The following TMEM132B variants were observed in gnomAD, a reference collection of about 807,000 sequenced individuals.
The protein encoded by TMEM132B is transmembrane protein 132B.
TMEM132B carries 18 observed loss-of-function variants against 90.8 expected under a neutral mutation model. The observed-to-expected ratio is 0.20, with a 90% CI of 0.14 to 0.29. The LOEUF is 0.29. Ranked by LOEUF, TMEM132B falls within the 10% of genes least tolerant of loss-of-function variation. The probability of loss-of-function intolerance (pLI) is 1.00; values close to 1 mark genes in which losing one functional copy is unlikely to be tolerated. For synonymous variants in TMEM132B, 504 were observed against 523.3 expected (o/e 0.96, Z 0.50); for missense variants, 1,096 against 1,326.8 (o/e 0.83, Z 2.70).
chr12:125,426,518 T>TA (rs980640586), intron 3 of TMEM132B, among the ~76,000 whole-genome samples: 48 of 152,134 alleles, frequency 3.2e-4, no homozygotes, highest in Admixed American at 5.2e-4. Context: ...GTGTGTTTGT[T>TA]AAAAAAAAGT....
intron 2 of TMEM132B, among the ~76,000 whole-genome samples, chr12:125,368,038 A>G (rs927566153): frequency 1.3e-5 from 2 of 152,108 alleles, no homozygotes; most frequent in Non-Finnish European, 2.9e-5. Context: ...GGATCATAGT[A>G]TATATCTTTA....
intron 3 of TMEM132B, among the ~76,000 whole-genome samples, chr12:125,491,390 T>C (rs2136558629): frequency 6.6e-6 from 1 of 152,302 alleles, no homozygotes; most frequent in South Asian, 2.1e-4. Context: ...CAAAGCTTTT[T>C]CAAGGTAAAG....
intron 1 of TMEM132B, among the ~76,000 whole-genome samples, chr12:125,279,507 G>C (rs1875099364): frequency 6.6e-6 from 1 of 152,196 alleles, no homozygotes; most frequent in African/African-American, 2.4e-5. Flanking sequence ...CAAACCCTGG[G>C]CACTGAGTCT....
chr12:125,427,974 C>T (rs1880370151), intron 3 of TMEM132B, among the ~76,000 whole-genome samples: 1 of 147,816 alleles, frequency 6.8e-6, no homozygotes, highest in Admixed American at 6.9e-5. Context: ...GGTAACTTGC[C>T]AAGTACATGC....
Position 125,408,187 on chromosome 12 carries a change from T to C in TMEM132B, c.960-7344T>C, listed in dbSNP as rs139877099. On this transcript the variant is annotated intron_variant, in intron 2 of 8. Transcript: ENST00000682704. The surrounding 1 kb of genome is among the most constrained non-coding windows in gnomAD (Gnocchi z 5.9). ...GTGTATTTGGAGGGTCGCTGTGTTG[T>C]TGTGTGGTGATAGGCTGCTTCCTCG... Among the ~76,000 whole-genome samples the C allele has an allele frequency of 1.3e-5, 2 of 152,310 alleles. No individual in the cohort carries two copies. The highest frequency in any genetic ancestry group is 1.9e-4 in the East Asian group (1 of 5,182).
At chr12:125,243,110 CAT>C (rs199761706) in intron 1 of TMEM132B, among the ~76,000 whole-genome samples, 87,389 of 138,510 alleles carry the variant, frequency 0.63, 27,966 homozygotes, top group Non-Finnish European at 0.68. Flanking sequence ...TATATATACA[CAT>C]ATATATATAT....
chr12:125,492,463 T>A lies in TMEM132B; in HGVS notation c.1107-26976T>A, dbSNP rs1882380555. Among the ~76,000 whole-genome samples the A allele has an allele frequency of 6.6e-6, 1 of 152,198 alleles. No individual in the cohort carries two copies. The highest frequency in any genetic ancestry group is 1.5e-5 in the Non-Finnish European group (1 of 68,026). On this transcript the variant is annotated intron_variant, in intron 3 of 8. Transcript: ENST00000682704. This position sits in a 1 kb window ranked among gnomAD's most constrained non-coding sequence, Gnocchi z 5.8. ...ACGGCTGCTTTGCAGGGGCCCCGAC[T>A]GCTCCTTCCTGGGATGTGCCGCCAC... is the stretch of plus-strand genomic sequence containing the variant.
At chr12:125,381,777 TG>T (rs533724122) in intron 2 of TMEM132B, among the ~76,000 whole-genome samples, 36 of 152,302 alleles carry the variant, frequency 2.4e-4, no homozygotes, top group African/African-American at 8.2e-4. Context: ...AGGGACTGAA[TG>T]GGGGCAGAGA....
intron 1 of TMEM132B, among the ~76,000 whole-genome samples, chr12:125,292,048 C>T (rs1477075094): frequency 6.6e-6 from 1 of 152,194 alleles, no homozygotes; most frequent in Non-Finnish European, 1.5e-5. Context: ...ACTCATTTGC[C>T]TATGGTATCA....
chr12:125,277,040 T>C lies in TMEM132B; in HGVS notation c.68-72412T>C, dbSNP rs2136125850. ...TTTGTGGGTACCGTGGGTTGAATTA[T>C]GTCCACCAAAACATATGTCCAAGTC... On this transcript the variant is annotated intron_variant, in intron 1 of 8. Transcript: ENST00000682704. This position sits in a 1 kb window ranked among gnomAD's most constrained non-coding sequence, Gnocchi z 4.3. 6.6e-6 allele frequency among the ~76,000 whole-genome samples: 1 copy of C among 152,358 alleles called. No homozygotes were observed. The highest frequency in any genetic ancestry group is 1.9e-4 in the East Asian group (1 of 5,186).
chr12:125,651,920 A>C (rs568969871), intron 7 of TMEM132B, among the ~76,000 whole-genome samples: 113 of 152,268 alleles, frequency 7.4e-4, no homozygotes, highest in African/African-American at 2.6e-3. Context: ...ATTCCTTGTC[A>C]CGTGGTCCCT....
At chr12:125,256,261 C>T (rs1874436569) in intron 1 of TMEM132B, among the ~76,000 whole-genome samples, 1 of 152,138 alleles carries the variant, frequency 6.6e-6, no homozygotes. Flanking sequence ...AGGGAGTGGG[C>T]CACATCACAG....
At chr12:125,559,979 G>A (rs1849688271) in intron 4 of TMEM132B, among the ~76,000 whole-genome samples, 1 of 152,192 alleles carries the variant, frequency 6.6e-6, no homozygotes, top group Non-Finnish European at 1.5e-5. Flanking sequence ...CCCTAAGTTC[G>A]AATCCAGCGC....
chr12:125,205,156 G>A (rs1420273801), intron 1 of TMEM132B, among the ~76,000 whole-genome samples: 6 of 144,528 alleles, frequency 4.2e-5, no homozygotes, highest in African/African-American at 1.0e-4. Flanking sequence ...AATCCTTTCA[G>A]TGAGGGCTCC....
At chr12:125,486,426 G>C (rs1302872569) in intron 3 of TMEM132B, among the ~76,000 whole-genome samples, 1 of 152,206 alleles carries the variant, frequency 6.6e-6, no homozygotes, top group Non-Finnish European at 1.5e-5. Flanking sequence ...TGTCACCTTG[G>C]GTAAGTCAGG....
intron 4 of TMEM132B, among the ~76,000 whole-genome samples, chr12:125,546,655 C>G (rs1566069424): frequency 6.6e-6 from 1 of 152,062 alleles, no homozygotes; most frequent in East Asian, 1.9e-4. Context: ...GAGTAGTATT[C>G]CATTGTATGG....
chr12:125,646,395 T>G (rs1406778871), intron 6 of TMEM132B, among the ~76,000 whole-genome samples: 1 of 152,238 alleles, frequency 6.6e-6, no homozygotes, highest in Non-Finnish European at 1.5e-5. Context: ...GAATAAATTT[T>G]AAGAGATTCA....
At chr12:125,302,184 G>A (rs559371564) in intron 1 of TMEM132B, among the ~76,000 whole-genome samples, 4 of 152,094 alleles carry the variant, frequency 2.6e-5, no homozygotes, top group African/African-American at 9.6e-5. Flanking sequence ...TGGCGACAGA[G>A]GGAGACTCTG....
chr12:125,373,957 G>A (rs2136274965), intron 2 of TMEM132B, among the ~76,000 whole-genome samples: 1 of 152,270 alleles, frequency 6.6e-6, no homozygotes, highest in South Asian at 2.1e-4. Context: ...ACCAAGCCTG[G>A]CTAATTTTTC....
Sources: allele counts gnomAD v4.1 joint callset (sites outside exome capture counted in the v4.1 genomes callset), GRCh38; gene constraint gnomAD v4.1.1; non-coding constraint Gnocchi (gnomAD v3.1); transcripts MANE v1.5; gene names NCBI Gene and HGNC (gene_info 2026-07-23, HGNC 2026-07-21).